The following PACRG variants were observed in gnomAD, a reference collection of about 807,000 sequenced individuals.
The protein encoded by PACRG is parkin coregulated gene protein.
In PACRG, 29 loss-of-function variants were observed where a neutral mutation model predicts 29.7. That is an observed-to-expected ratio of 0.98 (90% confidence interval 0.73 to 1.33). The LOEUF (loss-of-function observed/expected upper bound fraction) is 1.33, where lower values mean the gene tolerates loss of function less well. Ranked by LOEUF, PACRG falls within the 40% of genes most tolerant of loss-of-function variation. The probability of loss-of-function intolerance (pLI) is 0.00; values close to 1 mark genes in which losing one functional copy is unlikely to be tolerated. For missense variants in PACRG, 279 were observed against 316.2 expected, an observed-to-expected ratio of 0.88 and a Z score of 0.89; for synonymous variants, 116 against 118.7, an observed-to-expected ratio of 0.98 and a Z score of 0.15.
intron 2 of PACRG, among the ~76,000 whole-genome samples, chr6:163,059,028 G>A (rs1442770714): frequency 1.3e-5 from 2 of 150,594 alleles, no homozygotes; most frequent in Admixed American, 6.6e-5. Flanking sequence ...GCAGTGAGCC[G>A]AGATCGCACC....
chr6:162,820,364 A>G (rs542730352), intron 2 of PACRG, among the ~76,000 whole-genome samples: 47 of 152,320 alleles, frequency 3.1e-4, no homozygotes, highest in South Asian at 1.7e-3. Context: ...ATCTCTGTCA[A>G]TGTGACTGTT....
chr6:162,960,264 C>T (rs551787954), intron 2 of PACRG, among the ~76,000 whole-genome samples: 29 of 152,230 alleles, frequency 1.9e-4, no homozygotes, highest in Admixed American at 9.2e-4. Flanking sequence ...GGGTATATAC[C>T]GAAAGGAAAA....
At chr6:162,733,811 G>A (rs1343143011) in intron 1 of PACRG, among the ~76,000 whole-genome samples, 1 of 152,078 alleles carries the variant, frequency 6.6e-6, no homozygotes, top group Non-Finnish European at 1.5e-5. Context: ...TAGCTATTTA[G>A]TGAGCCTCTT....
intron 4 of PACRG, among the ~76,000 whole-genome samples, chr6:163,126,194 A>T (rs9356098): frequency 0.23 from 34,356 of 152,168 alleles, 4,090 homozygotes; most frequent in East Asian, 0.47. Context: ...CAAACAAAGT[A>T]TGCCAAATGA....
rs1783760865 is a variant in PACRG, at chr6:162,777,754, G to A, written c.157-36393G>A. Among the ~76,000 whole-genome samples the A allele has an allele frequency of 6.6e-6, 1 of 152,154 alleles. No homozygotes were observed. The highest frequency in any genetic ancestry group is 1.5e-5 in the Non-Finnish European group (1 of 68,034). Reference sequence around the variant, plus strand: ...ATTCTGGAGCATCTTAAGGAAGACAGCCTTATAACTGAATCCTGCCATATG... The same window carrying A: ...ATTCTGGAGCATCTTAAGGAAGACAACCTTATAACTGAATCCTGCCATATG... On this transcript the variant is annotated intron_variant, in intron 1 of 4. Transcript: ENST00000366888. This position sits in a 1 kb window ranked among gnomAD's most constrained non-coding sequence, Gnocchi z 4.0.
intron 1 of PACRG, among the ~76,000 whole-genome samples, chr6:162,764,890 C>T (rs955093144): frequency 4.0e-5 from 6 of 151,672 alleles, no homozygotes; most frequent in African/African-American, 1.5e-4. Context: ...ATTACAGGCA[C>T]CTGCCACCAC....
intron 4 of PACRG, among the ~76,000 whole-genome samples, chr6:163,238,012 G>T (rs1420858608): frequency 2.0e-5 from 3 of 152,214 alleles, no homozygotes; most frequent in Non-Finnish European, 4.4e-5. Flanking sequence ...CACAGGATGT[G>T]CTTGAAGGAA....
intron 4 of PACRG, among the ~76,000 whole-genome samples, chr6:163,276,502 A>G (rs1417378740): frequency 4.6e-5 from 7 of 152,230 alleles, no homozygotes; most frequent in African/African-American, 1.4e-4. Flanking sequence ...CTAACCCTTC[A>G]TTCCTACCTG....
At chr6:162,884,920 T>A (rs1372401248) in intron 2 of PACRG, among the ~76,000 whole-genome samples, 1 of 152,200 alleles carries the variant, frequency 6.6e-6, no homozygotes, top group African/African-American at 2.4e-5. Context: ...CCGTGTAACG[T>A]ACTGAAATTG....
chr6:162,903,225 C>T lies in PACRG; in HGVS notation c.291+88944C>T, dbSNP rs78337101. Among the ~76,000 whole-genome samples, 1,189 of 152,186 alleles carry T rather than the reference C, an allele frequency of 7.8e-3. 16 individuals carry two copies. Among genetic ancestry groups the T allele is most frequent in the African/African-American group, 0.021 (892 of 41,504 alleles). On this transcript the variant is annotated intron_variant, in intron 2 of 4. Coordinates refer to ENST00000366888, the MANE Select transcript of PACRG (RefSeq NM_001080379.2). ...ACCCACCCCCGACCATCTGACTGTGCAGGTGAGAACTGTCACTTTGTCTTC... is the reference window on the plus strand; with the variant it reads ...ACCCACCCCCGACCATCTGACTGTGTAGGTGAGAACTGTCACTTTGTCTTC...
intron 2 of PACRG, among the ~76,000 whole-genome samples, chr6:163,054,830 T>C (rs1030534423): frequency 6.6e-6 from 1 of 151,994 alleles, no homozygotes; most frequent in African/African-American, 2.4e-5. Flanking sequence ...TGTGAACCTG[T>C]GTGGCTCCTC....
intron 2 of PACRG, among the ~76,000 whole-genome samples, chr6:163,006,208 CCATA>C (rs1805096735): frequency 1.1e-5 from 1 of 90,224 alleles, no homozygotes; most frequent in Admixed American, 1.2e-4. Context: ...TATATATATC[CCATA>C]TATATATATA....
chr6:162,968,988 A>G (rs1801291236), intron 2 of PACRG, among the ~76,000 whole-genome samples: 2 of 141,710 alleles, frequency 1.4e-5, no homozygotes, highest in South Asian at 2.4e-4. Flanking sequence ...CGAAGGTTGC[A>G]GTGAGCCGAG....
At chr6:163,135,408 T>G (rs995035360) in intron 4 of PACRG, among the ~76,000 whole-genome samples, 1 of 152,156 alleles carries the variant, frequency 6.6e-6, no homozygotes, top group Non-Finnish European at 1.5e-5. Flanking sequence ...AGGCTGATCT[T>G]GAGCTCCTGA....
At chr6:163,154,891 C>A (rs914163282) in intron 4 of PACRG, among the ~76,000 whole-genome samples, 2 of 152,094 alleles carry the variant, frequency 1.3e-5, no homozygotes, top group Non-Finnish European at 2.9e-5. Flanking sequence ...ACAAAACAAG[C>A]CCAAAGCTCT....
intron 1 of PACRG, among the ~76,000 whole-genome samples, chr6:162,782,790 T>G (rs1158906932): frequency 6.6e-6 from 1 of 151,862 alleles, no homozygotes; most frequent in Non-Finnish European, 1.5e-5. Context: ...AAGAAATTAC[T>G]TAGTCAAAAG....
At chr6:163,149,777 T>C (rs995576331) in intron 4 of PACRG, among the ~76,000 whole-genome samples, 1 of 152,082 alleles carries the variant, frequency 6.6e-6, no homozygotes, top group Non-Finnish European at 1.5e-5. Context: ...GCGGATCGGA[T>C]CCCCGGTGCA....
intron 2 of PACRG, among the ~76,000 whole-genome samples, chr6:162,903,408 G>C (rs570122862): frequency 4.0e-4 from 61 of 152,180 alleles, no homozygotes; most frequent in African/African-American, 1.4e-3. Context: ...CCCAAGACTG[G>C]GTAATTTATA....
At chr6:163,088,353 T>C (rs951789846) in intron 3 of PACRG, among the ~76,000 whole-genome samples, 5 of 152,236 alleles carry the variant, frequency 3.3e-5, no homozygotes, top group African/African-American at 9.6e-5. Flanking sequence ...ATTGCACTTT[T>C]GACCTTCTAT....
Sources: gnomAD v4.1 joint callset for allele counts (sites outside exome capture counted in the v4.1 genomes callset) on GRCh38, gnomAD v4.1.1 for gene constraint, Gnocchi (gnomAD v3.1) non-coding constraint, MANE v1.5 for transcripts, NCBI Gene and HGNC (gene_info 2026-07-23, HGNC 2026-07-21) for gene names.